NUP153: variants seen among roughly 807,000 people sequenced by gnomAD.
NUP153 encodes the protein nucleoporin 153, also known as nuclear pore complex protein Nup153.
Under a neutral mutation model 134.6 loss-of-function variants are expected in NUP153, and 27 were observed. The observed-to-expected ratio is 0.20, with a 90% CI of 0.15 to 0.28. NUP153 has a LOEUF of 0.28. Ranked by LOEUF, NUP153 falls within the 10% of genes least tolerant of loss-of-function variation. The probability of loss-of-function intolerance (pLI) is 1.00; values close to 1 mark genes in which losing one functional copy is unlikely to be tolerated. For missense variants in NUP153, 1,821 were observed against 1,731.3 expected (o/e 1.05, Z -0.92); for synonymous variants, 640 against 623.5 (o/e 1.03, Z -0.40).
chr6:17,654,238 T>C (rs1766671742), intron 11 of NUP153, among the ~76,000 whole-genome samples: 1 of 152,106 alleles, frequency 6.6e-6, no homozygotes, highest in Non-Finnish European at 1.5e-5. Flanking sequence ...CCTAAAAACA[T>C]CAACTATATA....
intron 1 of NUP153, among the ~76,000 whole-genome samples, chr6:17,703,653 A>AT (rs1316175444): frequency 7.3e-6 from 1 of 137,574 alleles, no homozygotes; most frequent in African/African-American, 2.7e-5. Flanking sequence ...TATTTTTAAG[A>AT]TTAAAAAAAA....
At chr6:17,701,114 A>G (rs888673930) in intron 1 of NUP153, among the ~76,000 whole-genome samples, 1 of 152,070 alleles carries the variant, frequency 6.6e-6, no homozygotes, top group Non-Finnish European at 1.5e-5. Flanking sequence ...AATTCCAGCT[A>G]CTTGGGAGGC....
intron 12 of NUP153, among the ~76,000 whole-genome samples, chr6:17,648,271 G>C (rs1229851232): frequency 6.6e-6 from 1 of 152,174 alleles, no homozygotes; most frequent in Non-Finnish European, 1.5e-5. Context: ...GGAATTGCTT[G>C]AACGCAAGAT....
At chr6:17,619,868 C>T (rs1006566724) in intron 20 of NUP153, among the ~76,000 whole-genome samples, 5 of 152,094 alleles carry the variant, frequency 3.3e-5, no homozygotes, top group South Asian at 4.2e-4. Context: ...GAGGCCGAGG[C>T]GGGCAGATCA....
In NUP153 at chr6:17,628,643, G is replaced by T; in HGVS notation, c.3544+12C>A. On this transcript the variant is annotated intron_variant, in intron 18 of 21. Transcript: ENST00000262077. The surrounding 1 kb of genome is among the most constrained non-coding windows in gnomAD (Gnocchi z 5.4). ...AAAATAATAATAATAATAATAAAAA[G>T]TTAATACTTACCAGCTGTAGTACTA... 1.5e-6 allele frequency: 2 copies of T among 1,367,622 alleles called. No individual in the cohort carries two copies. Among genetic ancestry groups the T allele is most frequent in the Non-Finnish European group, 1.9e-6 (2 of 1,046,662 alleles). 84.7% of individuals were successfully genotyped at this position (1,367,622 alleles called of 1,614,324 possible).
At chr6:17,653,105 T>C (rs1766600032) in intron 11 of NUP153, among the ~76,000 whole-genome samples, 1 of 151,946 alleles carries the variant, frequency 6.6e-6, no homozygotes. Context: ...TATAAAAAAT[T>C]AGCCGGGCAT....
intron 14 of NUP153, among the ~76,000 whole-genome samples, chr6:17,643,550 C>T (rs1302731351): frequency 6.6e-6 from 1 of 152,182 alleles, no homozygotes; most frequent in Non-Finnish European, 1.5e-5. Flanking sequence ...CACGTTCTAT[C>T]TTCCTTTATA....
chr6:17,617,237 T>C lies in NUP153; in HGVS notation c.4175-542A>G, dbSNP rs1186116427. 3.9e-5 allele frequency among the ~76,000 whole-genome samples: 6 copies of C among 152,164 alleles called. No individual in the cohort carries two copies. The East Asian group carries it at 9.6e-4, about 24-fold the overall frequency. On this transcript the variant is annotated intron_variant, in intron 20 of 21. Coordinates refer to ENST00000262077, the MANE Select transcript of NUP153 (RefSeq NM_005124.4). ...AGGGGAAAAGGGCACCCTGGACTTA[T>C]GGTTAAAGACAGTGAAATCAACAAA... is the stretch of plus-strand genomic sequence containing the variant.
chr6:17,672,296 G>C (rs907061536), intron 5 of NUP153, among the ~76,000 whole-genome samples: 9 of 152,172 alleles, frequency 5.9e-5, no homozygotes, highest in Non-Finnish European at 1.0e-4. Context: ...CAAAGGTGCA[G>C]GCCAGGCCTG....
intron 20 of NUP153, among the ~76,000 whole-genome samples, chr6:17,618,566 T>G (rs866964063): frequency 6.0e-5 from 5 of 83,996 alleles, no homozygotes; most frequent in Non-Finnish European, 1.5e-4. Flanking sequence ...ATCTCTCTTT[T>G]TTTTTTTTTT....
rs982952525 is a variant in NUP153 at position 17,674,768 on chromosome 6, A to G, written c.852+137T>C. On this transcript the variant is annotated intron_variant, in intron 5 of 21. Transcript: ENST00000262077. ...GCCTGGGCGACAGAGCCAAGACTCC[A>G]TCTCGAAAAAATATAAATAAAAGAA... is the stretch of plus-strand genomic sequence containing the variant. 5.4e-6 allele frequency: 4 copies of G among 739,810 alleles called. No homozygotes were observed. The Admixed American group carries it at 1.2e-4, about 22-fold the overall frequency. 45.8% of individuals were successfully genotyped at this position (739,810 alleles called of 1,614,324 possible).
chr6:17,616,391 T>A, intron 21 of NUP153, 136 bp downstream of exon 21: 1 of 852,352 alleles, frequency 1.2e-6, no homozygotes, highest in Non-Finnish European at 1.8e-6. Flanking sequence ...AATTATAGTA[T>A]GGTAAATTTA....
Position 17,638,889 on chromosome 6 carries a change from A to G in NUP153, c.1846+1050T>C, listed in dbSNP as rs1765697413. ...GCTACTGGACTCCTGTAGGCAGTATACTTATCTATAAAATGAGAGAGCTGG... is the reference window on the plus strand; with the variant it reads ...GCTACTGGACTCCTGTAGGCAGTATGCTTATCTATAAAATGAGAGAGCTGG... On this transcript the variant is annotated intron_variant, in intron 15 of 21. Coordinates refer to ENST00000262077, the MANE Select transcript of NUP153 (RefSeq NM_005124.4). The surrounding 1 kb of genome is among the most constrained non-coding windows in gnomAD (Gnocchi z 4.0). Among the ~76,000 whole-genome samples the G allele has an allele frequency of 1.3e-5, 2 of 152,174 alleles. No homozygotes were observed. Among genetic ancestry groups the G allele is most frequent in the African/African-American group, 4.8e-5 (2 of 41,428 alleles).
chr6:17,701,720 G>T (rs1770092474), intron 1 of NUP153, among the ~76,000 whole-genome samples: 1 of 150,728 alleles, frequency 6.6e-6, no homozygotes, highest in Non-Finnish European at 1.5e-5. Context: ...TGTAATCCCA[G>T]CTACTCAAGA....
chr6:17,688,323 T>C, intron 2 of NUP153, 73 bp downstream of exon 2: 4 of 1,119,464 alleles, frequency 3.6e-6, no homozygotes, highest in Non-Finnish European at 5.4e-6. Context: ...AGATTTACCA[T>C]AACTAGGTAG....
intron 8 of NUP153, among the ~76,000 whole-genome samples, chr6:17,668,226 C>T (rs1033036911): frequency 3.3e-5 from 5 of 151,728 alleles, no homozygotes; most frequent in Non-Finnish European, 7.4e-5. Flanking sequence ...CAGGTGCGCA[C>T]CGCCACACCT....
chr6:17,704,160 C>T (rs1369459202), intron 1 of NUP153, among the ~76,000 whole-genome samples: 16 of 152,074 alleles, frequency 1.1e-4, no homozygotes, highest in African/African-American at 2.9e-4. Context: ...GGCGTGGTGG[C>T]GGGCGCCTGT....
chr6:17,645,303 C>CT (rs373424400), intron 14 of NUP153, among the ~76,000 whole-genome samples: 4,910 of 146,586 alleles, frequency 0.033, 119 homozygotes, highest in African/African-American at 0.06. Context: ...TCATTTCTTT[C>CT]TTTTTTTTTG....
chr6:17,697,008 T>C (rs1216133067), intron 1 of NUP153, among the ~76,000 whole-genome samples: 3 of 151,170 alleles, frequency 2.0e-5, no homozygotes, highest in Non-Finnish European at 3.0e-5. Flanking sequence ...GAGACGGAGG[T>C]TGCAGTGAGC....
Sources: allele counts gnomAD v4.1 joint callset (sites outside exome capture counted in the v4.1 genomes callset), GRCh38; gene constraint gnomAD v4.1.1; non-coding constraint Gnocchi (gnomAD v3.1); transcripts MANE v1.5; gene names NCBI Gene and HGNC (gene_info 2026-07-23, HGNC 2026-07-21).